Variants in CRY2 observed in about 807,000 individuals in gnomAD.
The protein encoded by CRY2 is cryptochrome-2.
CRY2 carries 31 observed loss-of-function variants against 69.5 expected under a neutral mutation model. That is an observed-to-expected ratio of 0.45 (90% confidence interval 0.34 to 0.60). The LOEUF (loss-of-function observed/expected upper bound fraction) is 0.60, where lower values mean the gene tolerates loss of function less well. Among genes scored for constraint, CRY2 ranks in the 20% least tolerant of loss-of-function variants. The probability of loss-of-function intolerance (pLI) is 0.02; values close to 1 mark genes in which losing one functional copy is unlikely to be tolerated. For synonymous variants in CRY2, 303 were observed against 312.2 expected (o/e 0.97, Z 0.31); for missense variants, 606 against 797.8 (o/e 0.76, Z 2.90).
chr11:45,854,752 C>T (rs541343027), intron 1 of CRY2, among the ~76,000 whole-genome samples: 1 of 152,214 alleles, frequency 6.6e-6, no homozygotes, highest in South Asian at 2.1e-4. Flanking sequence ...GAGTGACCAC[C>T]CTAGGTTCCT....
intron 7 of CRY2, 60 bp downstream of exon 7, chr11:45,869,877 A>G (rs2086362924): frequency 1.9e-6 from 3 of 1,544,136 alleles, no homozygotes; most frequent in Admixed American, 3.7e-5. Context: ...GTCAAAGGGC[A>G]GCCCCCTTCT....
At chr11:45,874,279 T>TAA (rs144754663) in intron 11 of CRY2, among the ~76,000 whole-genome samples, 1 of 142,982 alleles carries the variant, frequency 7.0e-6, no homozygotes, top group Non-Finnish European at 1.5e-5. Context: ...AAACTCTGTC[T>TAA]AAAAAAAAAA....
intron 1 of CRY2, among the ~76,000 whole-genome samples, chr11:45,854,251 G>C (rs906008150): frequency 6.6e-6 from 1 of 152,208 alleles, no homozygotes; most frequent in Non-Finnish European, 1.5e-5. Context: ...TTGACCTGTG[G>C]GTTCTTGAAG....
At chr11:45,872,287 G>C in intron 11 of CRY2, 54 bp downstream of exon 11, 1 of 1,529,158 alleles carries the variant, frequency 6.5e-7, no homozygotes, top group African/African-American at 1.4e-5. Context: ...GAGTGGGGGG[G>C]CCTACTGCCC....
At chr11:45,878,541 A>G (rs1196335535) in intron 11 of CRY2, among the ~76,000 whole-genome samples, 2 of 152,214 alleles carry the variant, frequency 1.3e-5, no homozygotes, top group African/African-American at 2.4e-5. Context: ...CACCTTAATA[A>G]TACATACATT....
At chr11:45,861,914 C>A in intron 4 of CRY2, 146 bp from the exon 5 acceptor site, 2 of 681,604 alleles carry the variant, frequency 2.9e-6, no homozygotes, top group South Asian at 1.8e-5. Flanking sequence ...ACCTAGAAAA[C>A]GCTAAAACTT....
intron 5 of CRY2, among the ~76,000 whole-genome samples, chr11:45,865,120 G>T (rs2086319703): frequency 2.0e-5 from 3 of 150,248 alleles, no homozygotes. Context: ...GCACATTTGG[G>T]TAAAAAAAAA....
intron 5 of CRY2, among the ~76,000 whole-genome samples, chr11:45,865,216 T>G (rs1341902767): frequency 6.6e-6 from 1 of 152,078 alleles, no homozygotes; most frequent in Non-Finnish European, 1.5e-5. Flanking sequence ...ATGTAAACAT[T>G]TCAGAAATGC....
At chr11:45,867,427 C>G in intron 5 of CRY2, 185 bp from the exon 6 acceptor site, 1 of 654,564 alleles carries the variant, frequency 1.5e-6, no homozygotes, top group South Asian at 2.0e-5. Context: ...CAGAGAATGA[C>G]ATAGACTCGT....
chr11:45,871,502 G>C lies in CRY2; in HGVS notation c.1642+568G>C, dbSNP rs373018237. ...CATGATTGGACTTAGGTCTGAAAAA[G>C]CTCCCTGGCCTGCTGGGTGGAGATT... is the stretch of plus-strand genomic sequence containing the variant. On this transcript the variant is annotated intron_variant, in intron 10 of 11. Coordinates refer to ENST00000616080, the MANE Select transcript of CRY2 (RefSeq NM_021117.5). Among the ~76,000 whole-genome samples the C allele has an allele frequency of 1.6e-3, 246 of 152,302 alleles. 4 individuals carry two copies. The highest frequency in any genetic ancestry group is 6.8e-3 in the Middle Eastern group (2 of 294).
chr11:45,875,684 G>A (rs911243591), intron 11 of CRY2, among the ~76,000 whole-genome samples: 16 of 152,272 alleles, frequency 1.1e-4, no homozygotes, highest in African/African-American at 3.9e-4. Flanking sequence ...AGGATCTGGG[G>A]TGGTGCAGAC....
Position 45,882,420 on chromosome 11 carries a change from A to C in CRY2, c.*1509A>C, listed in dbSNP as rs2086482623. 2 of 393,840 alleles carry C rather than the reference A, an allele frequency of 5.1e-6. No individual in the cohort carries two copies. The highest frequency in any genetic ancestry group is 2.9e-4 in the South Asian group (2 of 6,966). 24.4% of individuals were successfully genotyped at this position (393,840 alleles called of 1,614,324 possible). A position where few individuals can be genotyped will look rare whatever the true frequency, so the allele number is the denominator to read the frequency against. On this transcript the variant is annotated 3_prime_UTR_variant, in exon 12 of 12. Coordinates refer to ENST00000616080, the MANE Select transcript of CRY2 (RefSeq NM_021117.5). ...GACCTTTCCTAGCCTCAGATCTGTT[A>C]ATTCTTTTGGCCCCAGCCCTGTCCC...
chr11:45,870,516 G>A lies in CRY2; in HGVS notation c.1533G>A (p.Ser511=), dbSNP rs149854639. Residue 511 remains serine (S), a synonymous_variant, in exon 9 of 12, where the codon TCG becomes TCA. Transcript: ENST00000616080. ...TGAAGCAGATTTACCAGCAGCTTTC[G>A]CGCTACCGGGGACTCTGTAAGGAGA... The part of the protein sequence containing the change: ...ERMKQIYQQL[S]RYRGLCLLAS... 40 of 1,613,972 alleles carry A rather than the reference G, an allele frequency of 2.5e-5. No homozygotes were observed. The highest frequency in any genetic ancestry group is 8.9e-5 in the East Asian group (4 of 44,886).
upstream of CRY2, chr11:45,847,311 G>C: frequency 6.4e-7 from 1 of 1,574,578 alleles, no homozygotes; most frequent in Non-Finnish European, 8.6e-7. Flanking sequence ...GGCCTGTTCC[G>C]GCGCCTCTGG....
intron 1 of CRY2, among the ~76,000 whole-genome samples, chr11:45,851,182 C>T (rs916517601): frequency 3.3e-5 from 5 of 152,080 alleles, no homozygotes; most frequent in Non-Finnish European, 5.9e-5. Flanking sequence ...TTAAAATGAC[C>T]TCTGTGGTTT....
intron 6 of CRY2, 92 bp from the exon 7 acceptor site, chr11:45,869,414 A>C: frequency 3.7e-6 from 5 of 1,342,998 alleles, no homozygotes; most frequent in Non-Finnish European, 5.1e-6. Context: ...AGGTCTTTGG[A>C]GGGCCCAGAT....
At chr11:45,864,327 A>C (rs1257530397) in intron 5 of CRY2, among the ~76,000 whole-genome samples, 1 of 152,238 alleles carries the variant, frequency 6.6e-6, no homozygotes, top group East Asian at 1.9e-4. Context: ...ATAACATATT[A>C]AAGTTTTTTT....
At chr11:45,854,596 G>A (rs1348445566) in intron 1 of CRY2, among the ~76,000 whole-genome samples, 1 of 152,230 alleles carries the variant, frequency 6.6e-6, no homozygotes, top group African/African-American at 2.4e-5. Context: ...AGCTGAGGCA[G>A]GAGAATCGCT....
chr11:45,856,220 A>G, intron 2 of CRY2, 130 bp downstream of exon 2: 2 of 785,108 alleles, frequency 2.5e-6, no homozygotes, highest in Non-Finnish European at 4.1e-6. Flanking sequence ...GCTGCTAGAG[A>G]AGTTGGGAGC....
Sources: allele counts gnomAD v4.1 joint callset (sites outside exome capture counted in the v4.1 genomes callset), GRCh38; gene constraint gnomAD v4.1.1; transcripts MANE v1.5; gene names NCBI Gene and HGNC (gene_info 2026-07-23, HGNC 2026-07-21).